The following ADAD1 variants were observed in gnomAD, a reference collection of about 807,000 sequenced individuals.
The protein encoded by ADAD1 is adenosine deaminase domain containing 1.
ADAD1 carries 46 observed loss-of-function variants against 66.8 expected under a neutral mutation model. The ratio of observed to expected loss-of-function variants is 0.69; its 90% confidence interval spans 0.54 to 0.88. ADAD1 has a LOEUF of 0.88. ADAD1 is among the 40% of genes least tolerant of loss of function. The pLI, the probability that ADAD1 is intolerant of heterozygous loss-of-function variation, is 0.00. For synonymous variants in ADAD1, 248 were observed against 229.4 expected (o/e 1.08, Z -0.73); for missense variants, 617 against 681.8 (o/e 0.91, Z 1.06).
chr4:122,414,909 C>G (rs893445881), intron 10 of ADAD1, among the ~76,000 whole-genome samples: 18 of 151,952 alleles, frequency 1.2e-4, no homozygotes, highest in Non-Finnish European at 2.4e-4. Flanking sequence ...AATTATTTTG[C>G]AGTGTGAAAT....
At chr4:122,428,802 T>A (rs1414296428) in intron 12 of ADAD1, among the ~76,000 whole-genome samples, 1 of 152,124 alleles carries the variant, frequency 6.6e-6, no homozygotes, top group Non-Finnish European at 1.5e-5. Context: ...AGGTGAGGGA[T>A]TTGTTTCACA....
chr4:122,419,297 A>G (rs1399512510), intron 11 of ADAD1, among the ~76,000 whole-genome samples: 1 of 152,200 alleles, frequency 6.6e-6, no homozygotes. Context: ...CAAATCTCGC[A>G]TGTTCTCTCT....
chr4:122,400,181 C>T (rs185630508), intron 7 of ADAD1, among the ~76,000 whole-genome samples: 152 of 152,126 alleles, frequency 1.0e-3, no homozygotes, highest in African/African-American at 3.6e-3. Context: ...GTATGTCCCT[C>T]CTATGCCAAT....
At chr4:122,416,502 G>T (rs1319992987) in intron 11 of ADAD1, among the ~76,000 whole-genome samples, 1 of 152,164 alleles carries the variant, frequency 6.6e-6, no homozygotes, top group Admixed American at 6.5e-5. Context: ...TGAGGCAGGA[G>T]CATGGCTTGA....
At chr4:122,416,310 G>C (rs1267223406) in intron 11 of ADAD1, among the ~76,000 whole-genome samples, 3 of 152,174 alleles carry the variant, frequency 2.0e-5, no homozygotes, top group Non-Finnish European at 4.4e-5. Context: ...TGATTATTAA[G>C]TAAAAGTAAA....
At chr4:122,403,653 C>T (rs1414031992) in intron 7 of ADAD1, among the ~76,000 whole-genome samples, 1 of 152,076 alleles carries the variant, frequency 6.6e-6, no homozygotes, top group African/African-American at 2.4e-5. Flanking sequence ...AAGAGGGCAC[C>T]ATCTGTCGTA....
At position 122,383,853 on chromosome 4, in the gene ADAD1, A is replaced by G. The variant is rs773194081; in HGVS notation, c.416A>G (p.Tyr139Cys). 6.2e-7 allele frequency: 1 copy of G among 1,613,976 alleles called. No homozygotes were observed. Among genetic ancestry groups the G allele is most frequent in the Non-Finnish European group, 8.5e-7 (1 of 1,179,922 alleles). ...AFCAVVDGIQ[Y>C]KTGLGQNKKE... ...TGTGCTGTGGTGGATGGTATTCAGT[A>G]CAAGACTGGACTGGGACAAAATAAA... The change falls in exon 5 of 13, where the codon TAC becomes TGC. Residue 139 changes from tyrosine to cysteine, a missense_variant. Tyr to Cys is a radical substitution (Grantham distance 194). Transcript: ENST00000296513.
chr4:122,406,316 T>G (rs1027850844), intron 7 of ADAD1, among the ~76,000 whole-genome samples: 2 of 152,196 alleles, frequency 1.3e-5, no homozygotes, highest in African/African-American at 4.8e-5. Context: ...CTCTGGTGAT[T>G]AGTGATGTTG....
intron 11 of ADAD1, among the ~76,000 whole-genome samples, chr4:122,418,018 G>A (rs1432539522): frequency 6.6e-6 from 1 of 152,084 alleles, no homozygotes; most frequent in Non-Finnish European, 1.5e-5. Context: ...AGAGCCTTAA[G>A]TGCATGTAAC....
intron 8 of ADAD1, among the ~76,000 whole-genome samples, chr4:122,408,251 T>G (rs1796306799): frequency 6.6e-6 from 1 of 152,206 alleles, no homozygotes; most frequent in Non-Finnish European, 1.5e-5. Context: ...CTTCTATTAT[T>G]AAGAACTGTG....
intron 7 of ADAD1, among the ~76,000 whole-genome samples, chr4:122,403,588 C>T (rs542760212): frequency 6.9e-4 from 105 of 152,148 alleles, no homozygotes; most frequent in Non-Finnish European, 8.5e-4. Context: ...GGTTCTGTTA[C>T]GAGTTGCTGT....
chr4:122,418,566 C>T (rs1796861815), intron 11 of ADAD1, among the ~76,000 whole-genome samples: 1 of 152,064 alleles, frequency 6.6e-6, no homozygotes, highest in Non-Finnish European at 1.5e-5. Flanking sequence ...TCATGATCCG[C>T]CCGCCTTGGC....
At chr4:122,424,273 A>G (rs1797134546) in intron 12 of ADAD1, among the ~76,000 whole-genome samples, 1 of 152,200 alleles carries the variant, frequency 6.6e-6, no homozygotes, top group Non-Finnish European at 1.5e-5. Context: ...ATCCACAGGA[A>G]GGAATAATAA....
chr4:122,415,448 C>T lies in ADAD1; in HGVS notation c.1319C>T (p.Thr440Ile), dbSNP rs576574092. 3.1e-6 allele frequency: 5 copies of T among 1,613,908 alleles called. No homozygotes were observed. Among genetic ancestry groups the T allele is most frequent in the South Asian group, 1.1e-5 (1 of 91,076 alleles). Residue 440 changes from threonine (T) to isoleucine (I), a missense_variant, in exon 11 of 13, where the codon ACT becomes ATT. Thr to Ile is a moderately conservative substitution (Grantham distance 89). Transcript: ENST00000296513. ...AIKQRVDDAL[T>I]SKLPMFYLVN... is the part of the protein sequence containing the mutation. Reference sequence around the variant, plus strand: ...AAGCAACGTGTTGATGATGCACTCACTTCAAAACTTCCAATGTTTTACTTA... The same window carrying T: ...AAGCAACGTGTTGATGATGCACTCATTTCAAAACTTCCAATGTTTTACTTA...
intron 4 of ADAD1, among the ~76,000 whole-genome samples, chr4:122,383,125 T>C (rs1794983707): frequency 6.6e-6 from 1 of 152,190 alleles, no homozygotes. Flanking sequence ...TTTCATTTTT[T>C]ATCCAAATAT....
chr4:122,383,173 A>T (rs1794985318), intron 4 of ADAD1, among the ~76,000 whole-genome samples: 2 of 152,178 alleles, frequency 1.3e-5, no homozygotes, highest in African/African-American at 4.8e-5. Flanking sequence ...CTGGACATTC[A>T]GTTTAATTCT....
rs142713989 is a variant in ADAD1, at chr4:122,411,354, C to T, written c.981C>T (p.Asn327=). The T allele has an allele frequency of 3.0e-5, 48 of 1,612,850 alleles. No individual in the cohort carries two copies. In the African/African-American group the frequency reaches 6.4e-4, roughly 22 times the overall value. The part of the protein sequence containing the change: ...KQNINICLYM[N]QLPKGSAQIK... ...ATATCAACATTTGCCTTTACATGAA[C>T]CAGTTGCCTAAAGGATCAGCCCAGA... Residue 327 remains asparagine, a synonymous_variant, in exon 9 of 13, where the codon AAC becomes AAT. Coordinates refer to ENST00000296513, the MANE Select transcript of ADAD1 (RefSeq NM_139243.4).
At chr4:122,422,731 T>A (rs1797059897) in intron 12 of ADAD1, among the ~76,000 whole-genome samples, 1 of 151,996 alleles carries the variant, frequency 6.6e-6, no homozygotes, top group Admixed American at 6.6e-5. Flanking sequence ...AAAACTTCCT[T>A]CCATAACTCT....
At chr4:122,386,854 G>A (rs972307567) in intron 5 of ADAD1, among the ~76,000 whole-genome samples, 2 of 152,102 alleles carry the variant, frequency 1.3e-5, no homozygotes, top group Admixed American at 6.5e-5. Flanking sequence ...GTAGATGTGT[G>A]GAGTTATTTC....
Sources: allele counts gnomAD v4.1 joint callset (sites outside exome capture counted in the v4.1 genomes callset), GRCh38; gene constraint gnomAD v4.1.1; transcripts MANE v1.5; gene names NCBI Gene and HGNC (gene_info 2026-07-23, HGNC 2026-07-21).